SPON1: variants seen among roughly 807,000 people sequenced by gnomAD.
The protein encoded by SPON1 is spondin-1.
Under a neutral mutation model 111.7 loss-of-function variants are expected in SPON1, and 52 were observed. The ratio of observed to expected loss-of-function variants is 0.47; its 90% CI spans 0.37 to 0.59. The LOEUF (loss-of-function observed/expected upper bound fraction) is 0.59. Among genes scored for constraint, SPON1 ranks in the 20% least tolerant of loss-of-function variants. The pLI is 0.00. For synonymous variants in SPON1, 410 were observed against 395.8 expected (o/e 1.04, Z -0.43); for missense variants, 957 against 1,068.5 (o/e 0.90, Z 1.46).
chr11:14,249,815 T>C (rs1231748263), intron 7 of SPON1, among the ~76,000 whole-genome samples: 2 of 152,152 alleles, frequency 1.3e-5, no homozygotes, highest in African/African-American at 4.8e-5. Flanking sequence ...TGATAAGCAG[T>C]TTTCTCACAA....
At chr11:14,257,642 A>G (rs2133925459) in intron 10 of SPON1, 74 bp from the exon 11 acceptor site, 1 of 1,371,442 alleles carries the variant, frequency 7.3e-7, no homozygotes, top group South Asian at 1.6e-5. Context: ...GTCCCCAGAT[A>G]AGCTGGTATG....
intron 5 of SPON1, among the ~76,000 whole-genome samples, chr11:14,117,350 G>A (rs1554926071): frequency 6.6e-6 from 1 of 151,946 alleles, no homozygotes; most frequent in East Asian, 1.9e-4. Flanking sequence ...CATTAAGAAA[G>A]TTTCCTTCTA....
rs1849046497 is a variant in SPON1 at position 14,090,824 on chromosome 11, G to GCCACCCCCCCCCCCCC, written c.676+10805_676+10806insACCCCCCCCCCCCCCC. Among the ~76,000 whole-genome samples, 5 of 45,608 alleles carry GCCACCCCCCCCCCCCC rather than the reference G, an allele frequency of 1.1e-4. 1 individual carries two copies. The highest frequency in any genetic ancestry group is 9.7e-5 in the African/African-American group (1 of 10,276). The allele number at this position is 45,608 out of a possible 152,430, so 29.9% of individuals were successfully genotyped here. On this transcript the variant is annotated intron_variant, in intron 5 of 15. Coordinates refer to ENST00000576479, the MANE Select transcript of SPON1 (RefSeq NM_006108.4). ...CAGCCTGCTTTTATTCTCTTATCTGGCCCCCCCCCCCCCCCCCCCCGCCCA... is the reference window on the plus strand; with the variant it reads ...CAGCCTGCTTTTATTCTCTTATCTGGCCACCCCCCCCCCCCCCCCCCCCCCCCCCCCCCCCCGCCCA...
At chr11:13,990,373 C>CTTTTT (rs1159719282) in intron 2 of SPON1, among the ~76,000 whole-genome samples, 6 of 21,708 alleles carry the variant, frequency 2.8e-4, no homozygotes, top group African/African-American at 3.9e-4. Context: ...GCAACTCCTG[C>CTTTTT]TTTTTTTTTT....
chr11:13,982,898 C>G lies in SPON1; in HGVS notation c.290C>G (p.Ala97Gly). ...TACTTCAGAGGATTCACATTAATTGCCCTCAGAGAGAACAGAGAGGGTGAT... is the reference window on the plus strand; with the variant it reads ...TACTTCAGAGGATTCACATTAATTGGCCTCAGAGAGAACAGAGAGGGTGAT... ...PSYFRGFTLI[A>G]LRENREGDKE... is the part of the protein sequence containing the mutation. The change falls in exon 2 of 16, where the codon GCC becomes GGC. Residue 97 changes from alanine (A) to glycine (G), a missense_variant. Transcript: ENST00000576479. 6.4e-7 allele frequency: 1 copy of G among 1,562,312 alleles called. No individual in the cohort carries two copies. The highest frequency in any genetic ancestry group is 8.7e-7 in the Non-Finnish European group (1 of 1,152,182).
rs73424180 is a variant in SPON1 at position 14,159,985 on chromosome 11, T to A, written c.825+24417T>A. Among the ~76,000 whole-genome samples, 1,241 of 152,126 alleles carry A rather than the reference T, an allele frequency of 8.2e-3. 13 individuals carry two copies. The highest frequency in any genetic ancestry group is 0.028 in the African/African-American group (1,156 of 41,494). ...GAGTACAACCTATTTGATAGCATAA[T>A]AGGTGAATATAGTCAATAATAACTT... On this transcript the variant is annotated intron_variant, in intron 6 of 15. Transcript: ENST00000576479.
At chr11:14,002,847 A>T (rs2133793538) in intron 2 of SPON1, among the ~76,000 whole-genome samples, 1 of 151,996 alleles carries the variant, frequency 6.6e-6, no homozygotes, top group Non-Finnish European at 1.5e-5. Context: ...GGAAGATAGT[A>T]CCTCTACTAT....
At chr11:14,061,515 C>T (rs1848790915) in intron 3 of SPON1, among the ~76,000 whole-genome samples, 1 of 152,250 alleles carries the variant, frequency 6.6e-6, no homozygotes, top group East Asian at 1.9e-4. Context: ...TCTCCATTTT[C>T]CTGCATAAAA....
chr11:14,129,650 G>T (rs1382721568), intron 5 of SPON1, among the ~76,000 whole-genome samples: 2 of 152,124 alleles, frequency 1.3e-5, no homozygotes, highest in African/African-American at 2.4e-5. Context: ...TTCCAAAGTT[G>T]CTTCCACATT....
chr11:14,122,315 A>G (rs1847399848), intron 5 of SPON1, among the ~76,000 whole-genome samples: 1 of 152,166 alleles, frequency 6.6e-6, no homozygotes, highest in Non-Finnish European at 1.5e-5. Context: ...CTGGGACTAC[A>G]GGCGCCCGCC....
intron 1 of SPON1, among the ~76,000 whole-genome samples, chr11:13,973,739 AG>A (rs1554908838): frequency 6.6e-6 from 1 of 152,228 alleles, no homozygotes; most frequent in Non-Finnish European, 1.5e-5. Flanking sequence ...TGACAACAGG[AG>A]GTAAATACTA....
intron 3 of SPON1, among the ~76,000 whole-genome samples, chr11:14,071,543 C>T (rs1225654895): frequency 6.6e-6 from 1 of 152,182 alleles, no homozygotes; most frequent in Admixed American, 6.5e-5. Context: ...GCCACATTAG[C>T]CTCAGATTCT....
intron 6 of SPON1, among the ~76,000 whole-genome samples, chr11:14,220,759 G>A (rs1848672180): frequency 6.6e-6 from 1 of 152,146 alleles, no homozygotes; most frequent in Admixed American, 6.5e-5. Context: ...TCTGCATTAG[G>A]AGTTATTAGT....
intron 14 of SPON1, 57 bp downstream of exon 14, chr11:14,260,809 C>A: frequency 1.3e-6 from 2 of 1,556,152 alleles, no homozygotes; most frequent in Middle Eastern, 1.7e-4. Flanking sequence ...TCCAGGGAGC[C>A]CCGAACCAGC....
chr11:14,261,921 C>T (rs1849188689), intron 14 of SPON1, among the ~76,000 whole-genome samples: 1 of 152,146 alleles, frequency 6.6e-6, no homozygotes, highest in Non-Finnish European at 1.5e-5. Flanking sequence ...GATAAAAGAA[C>T]TGAAACTGTT....
chr11:14,177,557 A>G (rs1848192135), intron 6 of SPON1, among the ~76,000 whole-genome samples: 1 of 152,186 alleles, frequency 6.6e-6, no homozygotes, highest in African/African-American at 2.4e-5. Flanking sequence ...CACTGATCTT[A>G]AGAGCAGTTT....
chr11:14,139,725 T>TATATATATATATATATATA (rs1564913657), intron 6 of SPON1, among the ~76,000 whole-genome samples: 2 of 150,830 alleles, frequency 1.3e-5, no homozygotes, highest in African/African-American at 4.9e-5. Context: ...TATATATATA[T>TATATATATATATATATATA]TTAAGTGAAA....
At chr11:14,048,187 G>A (rs1425014839) in intron 3 of SPON1, among the ~76,000 whole-genome samples, 5 of 152,072 alleles carry the variant, frequency 3.3e-5, no homozygotes, top group East Asian at 1.9e-4. Flanking sequence ...TGCATTGAGC[G>A]GAGATCATGC....
chr11:14,228,968 AG>A lies in SPON1; in HGVS notation c.826-14362del, dbSNP rs1288462960. Among the ~76,000 whole-genome samples, 1 of 152,206 alleles carries A rather than the reference AG, an allele frequency of 6.6e-6. No homozygotes were observed. The highest frequency in any genetic ancestry group is 1.5e-5 in the Non-Finnish European group (1 of 68,048). On this transcript the variant is annotated intron_variant, in intron 6 of 15. Coordinates refer to ENST00000576479, the MANE Select transcript of SPON1 (RefSeq NM_006108.4). The surrounding 1 kb of genome is among the most constrained non-coding windows in gnomAD (Gnocchi z 4.2). ...AAGAAGACTCTAACAACATATTTAC[AG>A]GCCCCTAGAGGTCTTCAGAACCTAC...
Sources: allele counts gnomAD v4.1 joint callset (sites outside exome capture counted in the v4.1 genomes callset), GRCh38; gene constraint gnomAD v4.1.1; non-coding constraint Gnocchi (gnomAD v3.1); transcripts MANE v1.5; gene names NCBI Gene and HGNC (gene_info 2026-07-23, HGNC 2026-07-21).